The following EXOC4 variants were observed in gnomAD, a reference collection of about 807,000 sequenced individuals.
EXOC4 encodes the protein SEC8-like 1.
Under a neutral mutation model 107.2 loss-of-function variants are expected in EXOC4, and 71 were observed. The observed-to-expected ratio is 0.66, with a 90% CI of 0.55 to 0.81. EXOC4 has a LOEUF of 0.81. Ranked by LOEUF, EXOC4 falls within the 30% of genes least tolerant of loss-of-function variation. The pLI, the probability that EXOC4 is intolerant of heterozygous loss-of-function variation, is 0.00. For synonymous variants in EXOC4, 456 were observed against 441.2 expected (o/e 1.03, Z -0.42); for missense variants, 1,108 against 1,189.6 (o/e 0.93, Z 1.01).
chr7:133,895,301 C>T (rs549861324), intron 11 of EXOC4: 15 of 317,402 alleles, frequency 4.7e-5, no homozygotes, highest in South Asian at 2.8e-4. Context: ...GCACGGTGCG[C>T]GCACCCACTG....
intron 11 of EXOC4, among the ~76,000 whole-genome samples, chr7:133,822,992 G>T (rs1040016327): frequency 1.3e-5 from 2 of 152,182 alleles, no homozygotes; most frequent in African/African-American, 4.8e-5. Flanking sequence ...CATTGATTTT[G>T]CAAAGTTGTT....
At chr7:133,436,255 C>T (rs1797972835) in intron 7 of EXOC4, among the ~76,000 whole-genome samples, 1 of 152,104 alleles carries the variant, frequency 6.6e-6, no homozygotes, top group African/African-American at 2.4e-5. Flanking sequence ...TATGTCTGTA[C>T]TTGCCCTCCT....
At chr7:133,906,376 A>C (rs1235414337) in intron 12 of EXOC4, among the ~76,000 whole-genome samples, 2 of 152,170 alleles carry the variant, frequency 1.3e-5, no homozygotes, top group Non-Finnish European at 2.9e-5. Context: ...TGGGAAGGTG[A>C]CTGCATCCAC....
intron 14 of EXOC4, among the ~76,000 whole-genome samples, chr7:133,990,506 G>A (rs1445140415): frequency 4.6e-5 from 7 of 152,154 alleles, no homozygotes; most frequent in Admixed American, 3.9e-4. Context: ...CTGGAGTGCA[G>A]TGGCGCAATC....
In EXOC4 at chr7:133,964,504, G is replaced by T. The variant is rs537354252; in HGVS notation, c.2206+26435G>T. ...GCCCCCGACCTCCCGACAGGCCCCA[G>T]TGTGTGATGATCCCCTCCCTGTGTC... On this transcript the variant is annotated intron_variant, in intron 14 of 17. Transcript: ENST00000253861. Among the ~76,000 whole-genome samples the T allele has an allele frequency of 3.9e-5, 6 of 152,160 alleles. No individual in the cohort carries two copies. The South Asian group carries it at 1.2e-3, about 32-fold the overall frequency.
chr7:133,740,850 T>C (rs1346900197), intron 10 of EXOC4, among the ~76,000 whole-genome samples: 1 of 152,176 alleles, frequency 6.6e-6, no homozygotes, highest in Non-Finnish European at 1.5e-5. Flanking sequence ...CCCTGTTCGA[T>C]GAGTAGGCAG....
chr7:133,930,275 A>G (rs1800147839), intron 13 of EXOC4, among the ~76,000 whole-genome samples: 1 of 152,196 alleles, frequency 6.6e-6, no homozygotes, highest in South Asian at 2.1e-4. Context: ...CCTAGCGCCT[A>G]AAGAAAAAAC....
chr7:133,811,313 A>T (rs1797224951), intron 10 of EXOC4, among the ~76,000 whole-genome samples: 1 of 152,314 alleles, frequency 6.6e-6, no homozygotes, highest in South Asian at 2.1e-4. Flanking sequence ...ACTGTTAAAA[A>T]TTCAATGTTT....
chr7:133,558,211 C>CTTTTT lies in EXOC4; in HGVS notation c.1418-71830_1418-71829insTTTTT, dbSNP rs1429730847. 2.2e-3 allele frequency among the ~76,000 whole-genome samples: 309 copies of CTTTTT among 139,328 alleles called. 6 individuals are homozygous for CTTTTT. Among genetic ancestry groups the CTTTTT allele is most frequent in the African/African-American group, 8.9e-3 (289 of 32,518 alleles). 91.4% of individuals were successfully genotyped at this position (139,328 alleles called of 152,430 possible). A position where few individuals can be genotyped will look rare whatever the true frequency, so the allele number is the denominator to read the frequency against. On this transcript the variant is annotated intron_variant, in intron 9 of 17. Transcript: ENST00000253861. The stretch of plus-strand genomic sequence containing the variant: ...CTTCTCTTTTCTTTTCTTTTCTTTT[C>CTTTTT]TTTTCTTTTCTTTTCTTTTCTTTTC...
chr7:133,761,725 G>C (rs1047266214), intron 10 of EXOC4, among the ~76,000 whole-genome samples: 1 of 152,176 alleles, frequency 6.6e-6, no homozygotes, highest in Non-Finnish European at 1.5e-5. Context: ...GATTGAGCTA[G>C]TAACTTATAA....
chr7:134,094,686 A>G, the EXOC4 span, among the ~76,000 whole-genome samples: 2 of 152,188 alleles, frequency 1.3e-5, no homozygotes, highest in Non-Finnish European at 2.9e-5. Flanking sequence ...CATTAAATGC[A>G]AATCAACAAA....
At chr7:133,788,119 C>T (rs367777338) in intron 10 of EXOC4, among the ~76,000 whole-genome samples, 38 of 148,976 alleles carry the variant, frequency 2.6e-4, no homozygotes, top group South Asian at 2.1e-4. Flanking sequence ...TGTTGCTTTT[C>T]CTTTGCTGGC....
At chr7:133,451,477 G>T (rs1246646367) in intron 7 of EXOC4, among the ~76,000 whole-genome samples, 1 of 141,628 alleles carries the variant, frequency 7.1e-6, no homozygotes, top group Non-Finnish European at 1.5e-5. Flanking sequence ...TATTAATTCA[G>T]ATAATTTACT....
At chr7:133,277,265 G>A (rs976080905) in intron 2 of EXOC4, among the ~76,000 whole-genome samples, 3 of 152,184 alleles carry the variant, frequency 2.0e-5, no homozygotes, top group African/African-American at 7.2e-5. Flanking sequence ...AGTCCATTTT[G>A]ACCCAATATA....
chr7:133,270,749 G>C (rs1200446779), intron 1 of EXOC4, among the ~76,000 whole-genome samples: 1 of 152,210 alleles, frequency 6.6e-6, no homozygotes, highest in East Asian at 1.9e-4. Flanking sequence ...GAAGGCTGAA[G>C]AGAGGTTCAT....
In EXOC4 at chr7:133,356,312, T is replaced by C; in HGVS notation, c.764-18T>C. 1.2e-6 allele frequency: 2 copies of C among 1,612,642 alleles called. No homozygotes were observed. Among genetic ancestry groups the C allele is most frequent in the Non-Finnish European group, 1.7e-6 (2 of 1,179,398 alleles). On this transcript the variant is annotated intron_variant, in intron 5 of 17. Transcript: ENST00000253861. ...GAGTGGAGTCTGTATCTATTATTGT[T>C]ATTATTTAATTTTTCAGTGAGGGAG...
At chr7:133,577,085 A>G (rs962067275) in intron 9 of EXOC4, among the ~76,000 whole-genome samples, 1 of 152,186 alleles carries the variant, frequency 6.6e-6, no homozygotes, top group Non-Finnish European at 1.5e-5. Context: ...AGTGTGAGTT[A>G]TGATAGACGC....
At chr7:134,097,280 C>T in the EXOC4 span, among the ~76,000 whole-genome samples, 91 of 152,060 alleles carry the variant, frequency 6.0e-4, no homozygotes, top group Non-Finnish European at 1.1e-3. Context: ...CTCAGACTGT[C>T]TCTCCCAGCT....
intron 17 of EXOC4, among the ~76,000 whole-genome samples, chr7:134,061,543 A>G (rs1357074414): frequency 6.6e-6 from 1 of 152,190 alleles, no homozygotes; most frequent in Non-Finnish European, 1.5e-5. Flanking sequence ...AAAGTTCAAG[A>G]ACTGCGAGTC....
Sources: gnomAD v4.1 joint callset for allele counts (sites outside exome capture counted in the v4.1 genomes callset) on GRCh38, gnomAD v4.1.1 for gene constraint, MANE v1.5 for transcripts, NCBI Gene and HGNC (gene_info 2026-07-23, HGNC 2026-07-21) for gene names.